Variants in UBR2 observed in about 807,000 individuals in gnomAD.
The protein encoded by UBR2 is ubiquitin protein ligase E3 component n-recognin 2, also known as E3 ubiquitin-protein ligase UBR2.
In UBR2, 92 loss-of-function variants were observed where a neutral mutation model predicts 247.9. That is an observed-to-expected ratio of 0.37 (90% CI 0.31 to 0.44). The LOEUF (loss-of-function observed/expected upper bound fraction) is 0.44, where lower values mean the gene tolerates loss of function less well. Ranked by LOEUF, UBR2 falls within the 20% of genes least tolerant of loss-of-function variation. The pLI is 1.00. For synonymous variants in UBR2, 672 were observed against 693.5 expected, an observed-to-expected ratio of 0.97 and a Z score of 0.49; for missense variants, 1,613 against 2,112.6, an observed-to-expected ratio of 0.76 and a Z score of 4.64.
Position 42,619,428 on chromosome 6 carries a change from TATATATATATATATATATATA to T in UBR2, c.1281+1922_1281+1942del, listed in dbSNP as rs1381214804. The T allele has an allele frequency of 1.5e-3, 25 of 16,274 alleles. 1 individual carries two copies. The highest frequency in any genetic ancestry group is 2.4e-3 in the East Asian group (1 of 414). 1.0% of individuals were successfully genotyped at this position (16,274 alleles called of 1,614,324 possible). On this transcript the variant is annotated intron_variant, in intron 11 of 46. Transcript: ENST00000372901. The stretch of plus-strand genomic sequence containing the variant: ...CGTTATGAACATATATATATATATA[TATATATATATATATATATATA>T]TATATTTTTTTTTTTTAGTTCTCTA...
chr6:42,678,801 C>T (rs1281480286), intron 41 of UBR2, 132 bp downstream of exon 41: 1 of 965,548 alleles, frequency 1.0e-6, no homozygotes, highest in Non-Finnish European at 1.5e-6. Context: ...GTGATGTACA[C>T]ATTTATAGCA....
Position 42,681,208 on chromosome 6 carries a change from G to A in UBR2, c.4718+1376G>A, listed in dbSNP as rs900418542. ...GAAAGACCAGCCTGGGTAACATGGC[G>A]AAACCCCATCTCTACAAAAAATTTA... On this transcript the variant is annotated intron_variant, in intron 42 of 46. Transcript: ENST00000372901. Among the ~76,000 whole-genome samples, 3 of 145,916 alleles carry A rather than the reference G, an allele frequency of 2.1e-5. No individual in the cohort carries two copies. The East Asian group carries it at 5.9e-4, about 29-fold the overall frequency.
Position 42,684,809 on chromosome 6 carries a change from T to C in UBR2, c.4791T>C (p.Ser1597=), listed in dbSNP as rs948993826. The change falls in exon 44 of 47, where the codon TCT becomes TCC. Residue 1597 remains serine (S), a synonymous_variant. Transcript: ENST00000372901. Reference sequence around the variant, plus strand: ...TTTTTTTCAGATATCCAAGAGAATCTAACAAATTAATAAACCTTCCAGAGG... The same window carrying C: ...TTTTTTTCAGATATCCAAGAGAATCCAACAAATTAATAAACCTTCCAGAGG... ...ERDAIRYPRE[S]NKLINLPEDY... 1.2e-6 allele frequency: 2 copies of C among 1,609,220 alleles called. No homozygotes were observed. Among genetic ancestry groups the C allele is most frequent in the Admixed American group, 1.7e-5 (1 of 59,370 alleles).
chr6:42,617,177 C>T lies in UBR2; in HGVS notation c.1183-232C>T, dbSNP rs1027787369. The T allele has an allele frequency of 2.0e-6, 3 of 1,497,910 alleles. No individual in the cohort carries two copies. The African/African-American group carries it at 4.1e-5, about 21-fold the overall frequency. 92.8% of individuals were successfully genotyped at this position (1,497,910 alleles called of 1,614,324 possible). A position where few individuals can be genotyped will look rare whatever the true frequency, so the allele number is the denominator to read the frequency against. ...TTGACTTCCTCCAGCACTGACTTTT[C>T]ATTATAATCCTTAAACATTTGGTCA... On this transcript the variant is annotated intron_variant, in intron 10 of 46. Coordinates refer to ENST00000372901, the MANE Select transcript of UBR2 (RefSeq NM_001363705.2).
chr6:42,683,847 A>T (rs1799196027), intron 43 of UBR2, among the ~76,000 whole-genome samples: 1 of 152,216 alleles, frequency 6.6e-6, no homozygotes, highest in Non-Finnish European at 1.5e-5. Context: ...AAACATTCCA[A>T]ACTCTAAAAG....
At chr6:42,599,160 A>G (rs1793190270) in intron 4 of UBR2, among the ~76,000 whole-genome samples, 1 of 152,152 alleles carries the variant, frequency 6.6e-6, no homozygotes, top group South Asian at 2.1e-4. Flanking sequence ...GATTTTTGTA[A>G]TCTGAAATTT....
rs186622522 is a variant in UBR2 at position 42,675,170 on chromosome 6, T to C, written c.4252-886T>C. On this transcript the variant is annotated intron_variant, in intron 38 of 46. Transcript: ENST00000372901. ...AATATATTCCTAATAAATGCGGCTA[T>C]TACTGTTCTCATTGCTGCAACTAAA... Among the ~76,000 whole-genome samples the C allele has an allele frequency of 3.9e-5, 6 of 152,330 alleles. 1 individual carries two copies. Among genetic ancestry groups the C allele is most frequent in the Admixed American group, 3.3e-4 (5 of 15,294 alleles).
At chr6:42,595,583 A>G (rs1235263299) in intron 4 of UBR2, among the ~76,000 whole-genome samples, 1 of 152,072 alleles carries the variant, frequency 6.6e-6, no homozygotes, top group Non-Finnish European at 1.5e-5. Flanking sequence ...CATCCCTACA[A>G]AAAATACAAA....
chr6:42,594,494 AATTTC>A (rs1417188636), intron 4 of UBR2, among the ~76,000 whole-genome samples, 190 bp downstream of exon 4: 1 of 152,110 alleles, frequency 6.6e-6, no homozygotes, highest in Non-Finnish European at 1.5e-5. Flanking sequence ...AAATTTGGGA[AATTTC>A]ATTTAATTCT....
chr6:42,636,225 C>G (rs1460197409), intron 14 of UBR2, among the ~76,000 whole-genome samples: 1 of 147,074 alleles, frequency 6.8e-6, no homozygotes, highest in Non-Finnish European at 1.5e-5. Flanking sequence ...TTGCCCAGGC[C>G]AGAGTGCAGT....
At chr6:42,602,144 C>T (rs1793419865) in intron 4 of UBR2, among the ~76,000 whole-genome samples, 1 of 151,892 alleles carries the variant, frequency 6.6e-6, no homozygotes, top group African/African-American at 2.4e-5. Flanking sequence ...GTTGGGATTA[C>T]AGGCGTGAGC....
At chr6:42,630,248 G>A (rs1169816863) in intron 11 of UBR2, among the ~76,000 whole-genome samples, 3 of 150,430 alleles carry the variant, frequency 2.0e-5, no homozygotes, top group Non-Finnish European at 4.4e-5. Flanking sequence ...GCAATGGCAT[G>A]ATCTCGGTTC....
chr6:42,581,453 A>C (rs1427009532), intron 2 of UBR2, among the ~76,000 whole-genome samples: 1 of 152,084 alleles, frequency 6.6e-6, no homozygotes, highest in African/African-American at 2.4e-5. Context: ...GGCCTCCCAG[A>C]GTGTTGGGAT....
intron 34 of UBR2, 138 bp downstream of exon 34, chr6:42,666,383 C>G (rs1201603573): frequency 6.0e-6 from 4 of 661,392 alleles, no homozygotes; most frequent in Non-Finnish European, 9.7e-6. Context: ...AAGGTTTAAG[C>G]AGAGGCTGAG....
intron 21 of UBR2, among the ~76,000 whole-genome samples, chr6:42,646,838 GAGAGAT>G (rs1475940964): frequency 2.6e-5 from 4 of 151,180 alleles, no homozygotes; most frequent in Non-Finnish European, 5.9e-5. Context: ...GAGAGAGAGA[GAGAGAT>G]AGAGTCTGGC....
intron 36 of UBR2, among the ~76,000 whole-genome samples, chr6:42,670,971 A>T (rs1306914540): frequency 6.6e-6 from 1 of 152,226 alleles, no homozygotes; most frequent in Non-Finnish European, 1.5e-5. Context: ...GGATCACCTG[A>T]GGTCGGGAGT....
chr6:42,654,592 G>A (rs187440085), intron 25 of UBR2, among the ~76,000 whole-genome samples: 129 of 152,212 alleles, frequency 8.5e-4, no homozygotes, highest in Non-Finnish European at 7.9e-4. Context: ...AATCGTCATG[G>A]CACATGCTTA....
At chr6:42,655,540 A>G in intron 25 of UBR2, 81 bp from the exon 26 acceptor site, 1 of 753,752 alleles carries the variant, frequency 1.3e-6, no homozygotes, top group Non-Finnish European at 2.1e-6. Context: ...CTTTTTCAAT[A>G]ATTCTTTTTT....
At chr6:42,591,464 T>G (rs1792658051) in intron 2 of UBR2, among the ~76,000 whole-genome samples, 1 of 152,198 alleles carries the variant, frequency 6.6e-6, no homozygotes, top group Admixed American at 6.5e-5. Context: ...TGTATCTAAC[T>G]GGCAGTATGA....
Sources: gnomAD v4.1 joint callset for allele counts (sites outside exome capture counted in the v4.1 genomes callset) on GRCh38, gnomAD v4.1.1 for gene constraint, MANE v1.5 for transcripts, NCBI Gene and HGNC (gene_info 2026-07-23, HGNC 2026-07-21) for gene names.